Variants in CBLB observed in about 807,000 individuals in gnomAD.
The protein encoded by CBLB is Cbl proto-oncogene B, also known as E3 ubiquitin-protein ligase CBL-B.
CBLB carries 31 observed loss-of-function variants against 104.9 expected under a neutral mutation model. The observed-to-expected ratio is 0.30, with a 90% CI of 0.22 to 0.40. The LOEUF (loss-of-function observed/expected upper bound fraction) is 0.40. Among genes scored for constraint, CBLB ranks in the 10% least tolerant of loss-of-function variants. CBLB has a pLI of 1.00. For synonymous variants in CBLB, 440 were observed against 422.6 expected (o/e 1.04, Z -0.51); for missense variants, 1,062 against 1,214.6 (o/e 0.87, Z 1.87).
chr3:105,683,937 G>C (rs957652645), intron 14 of CBLB, among the ~76,000 whole-genome samples: 1 of 152,236 alleles, frequency 6.6e-6, no homozygotes, highest in Non-Finnish European at 1.5e-5. Flanking sequence ...TATTAAGACA[G>C]ACATCTGCTT....
intron 3 of CBLB, among the ~76,000 whole-genome samples, chr3:105,782,464 T>G (rs2080373377): frequency 6.6e-6 from 1 of 152,146 alleles, no homozygotes; most frequent in Non-Finnish European, 1.5e-5. Context: ...TTACATTTCC[T>G]TTGTTAAACA....
intron 3 of CBLB, among the ~76,000 whole-genome samples, chr3:105,796,046 A>G (rs6437619): frequency 0.98 from 148,599 of 152,280 alleles, 72,617 homozygotes; most frequent in East Asian, 1. Flanking sequence ...TTAAAAATTT[A>G]TCTTCCTTCC....
chr3:105,827,977 A>C (rs1345641335), intron 3 of CBLB, among the ~76,000 whole-genome samples: 8 of 152,228 alleles, frequency 5.3e-5, no homozygotes, highest in Non-Finnish European at 2.9e-5. Flanking sequence ...GTTTTGGCTA[A>C]GTGTGACAGA....
intron 3 of CBLB, among the ~76,000 whole-genome samples, chr3:105,794,238 C>A (rs1022796936): frequency 1.3e-5 from 2 of 152,048 alleles, no homozygotes; most frequent in Non-Finnish European, 2.9e-5. Flanking sequence ...ACAACTGTTA[C>A]CATGTAAAGA....
At chr3:105,693,646 C>A (rs1438704501) in intron 12 of CBLB, 58 bp from the exon 13 acceptor site, 9 of 1,091,526 alleles carry the variant, frequency 8.2e-6, no homozygotes, top group Non-Finnish European at 1.1e-5. Flanking sequence ...GACCTTAAAG[C>A]CATAGCTGCT....
intron 2 of CBLB, among the ~76,000 whole-genome samples, chr3:105,865,216 G>C (rs913659241): frequency 6.6e-6 from 1 of 152,110 alleles, no homozygotes; most frequent in Non-Finnish European, 1.5e-5. Flanking sequence ...GGATGTTTCT[G>C]TACTACACAC....
At chr3:105,854,914 C>T (rs1197093965) in intron 2 of CBLB, among the ~76,000 whole-genome samples, 10 of 151,846 alleles carry the variant, frequency 6.6e-5, no homozygotes, top group South Asian at 2.1e-4. Flanking sequence ...TACAGGTGTG[C>T]GCCACCGTAC....
In CBLB at chr3:105,658,886, T is replaced by C; in HGVS notation, c.*84A>G. On this transcript the variant is annotated 3_prime_UTR_variant, in exon 19 of 19. Coordinates refer to ENST00000394030, the MANE Select transcript of CBLB (RefSeq NM_170662.5). ...TACACGAGGAGGAGACACTTCTCTCTTGAATTCCATCTCAGTTCTCTTTAT... is the reference window on the plus strand; with the variant it reads ...TACACGAGGAGGAGACACTTCTCTCCTGAATTCCATCTCAGTTCTCTTTAT... 6.8e-7 allele frequency: 1 copy of C among 1,473,806 alleles called. No homozygotes were observed. Among genetic ancestry groups the C allele is most frequent in the Non-Finnish European group, 9.4e-7 (1 of 1,058,592 alleles). 91.3% of individuals were successfully genotyped at this position (1,473,806 alleles called of 1,614,324 possible).
intron 7 of CBLB, among the ~76,000 whole-genome samples, chr3:105,737,677 GA>G (rs2075102263): frequency 1.3e-5 from 2 of 152,058 alleles, no homozygotes; most frequent in South Asian, 4.1e-4. Flanking sequence ...CACATGGAAA[GA>G]AAAATATAAT....
chr3:105,822,111 T>C (rs1054746436), intron 3 of CBLB, among the ~76,000 whole-genome samples: 1 of 152,174 alleles, frequency 6.6e-6, no homozygotes, highest in African/African-American at 2.4e-5. Flanking sequence ...TATTTATCAT[T>C]ATCTTTTATT....
In CBLB at chr3:105,805,934, GA is replaced by G. The variant is rs3841101; in HGVS notation, c.420-29393del. Among the ~76,000 whole-genome samples the G allele has an allele frequency of 8.5e-3, 1,229 of 145,254 alleles. 8 individuals are homozygous for G. Among genetic ancestry groups the G allele is most frequent in the African/African-American group, 0.013 (514 of 39,810 alleles). ...AAGAGAGGGAGGGAGAAAAGGGAAA[GA>G]AAAAAAAAAAAAACAGAAAAAAATT... On this transcript the variant is annotated intron_variant, in intron 3 of 18. Transcript: ENST00000394030.
At chr3:105,837,064 C>T (rs558397353) in intron 3 of CBLB, among the ~76,000 whole-genome samples, 1 of 151,908 alleles carries the variant, frequency 6.6e-6, no homozygotes, top group Admixed American at 6.6e-5. Context: ...TTAAGCAATA[C>T]ATAAATACAA....
At chr3:105,736,311 A>G (rs572023436) in intron 8 of CBLB, among the ~76,000 whole-genome samples, 57 of 152,266 alleles carry the variant, frequency 3.7e-4, no homozygotes, top group Admixed American at 1.3e-3. Flanking sequence ...GATCTTTTAA[A>G]AACTATACTC....
At chr3:105,795,001 T>C (rs2082099594) in intron 3 of CBLB, among the ~76,000 whole-genome samples, 1 of 151,438 alleles carries the variant, frequency 6.6e-6, no homozygotes, top group South Asian at 2.1e-4. Flanking sequence ...CTGCAATCTG[T>C]CTCCCGGGTT....
At chr3:105,758,955 G>C (rs1245299792) in intron 4 of CBLB, among the ~76,000 whole-genome samples, 1 of 152,254 alleles carries the variant, frequency 6.6e-6, no homozygotes. Flanking sequence ...GGGCGTGAAG[G>C]GGGTGGAGGG....
At chr3:105,812,303 C>G (rs182738509) in intron 3 of CBLB, among the ~76,000 whole-genome samples, 1 of 152,160 alleles carries the variant, frequency 6.6e-6, no homozygotes, top group Non-Finnish European at 1.5e-5. Flanking sequence ...GTCTCAATGG[C>G]TATGCTATTA....
intron 3 of CBLB, among the ~76,000 whole-genome samples, chr3:105,782,676 T>G (rs1346865161): frequency 1.3e-5 from 2 of 149,272 alleles, no homozygotes; most frequent in African/African-American, 4.9e-5. Context: ...AACCTCCACC[T>G]CATGGGTTCA....
Position 105,777,337 on chromosome 3 carries a change from A to G in CBLB, c.420-795T>C, listed in dbSNP as rs142560701. ...GCTTTCCTCATTAAGAGGTACTGCT[A>G]TAAGAAATGGAGAGTCAGGCTAGGT... On this transcript the variant is annotated intron_variant, in intron 3 of 18. Coordinates refer to ENST00000394030, the MANE Select transcript of CBLB (RefSeq NM_170662.5). 2.8e-3 allele frequency among the ~76,000 whole-genome samples: 432 copies of G among 152,338 alleles called. 7 individuals carry two copies. Among genetic ancestry groups the G allele is most frequent in the African/African-American group, 9.0e-3 (373 of 41,582 alleles).
rs1171607465 is a variant in CBLB at position 105,780,731 on chromosome 3, C to T, written c.420-4189G>A. Among the ~76,000 whole-genome samples the T allele has an allele frequency of 9.8e-5, 13 of 132,004 alleles. No homozygotes were observed. In the South Asian group the frequency reaches 2.3e-3, roughly 23 times the overall value. 86.6% of individuals were successfully genotyped at this position (132,004 alleles called of 152,430 possible). ...AGGCTAGAGTGCGGTGGCGCGATCT[C>T]GGCTCACTGCCAGCTCCACCTCCCA... On this transcript the variant is annotated intron_variant, in intron 3 of 18. Transcript: ENST00000394030.
Sources: gnomAD v4.1 joint callset for allele counts (sites outside exome capture counted in the v4.1 genomes callset) on GRCh38, gnomAD v4.1.1 for gene constraint, MANE v1.5 for transcripts, NCBI Gene and HGNC (gene_info 2026-07-23, HGNC 2026-07-21) for gene names.